HOMER1: variants seen among roughly 807,000 people sequenced by gnomAD.
HOMER1 encodes the protein homer scaffold protein 1.
HOMER1 carries 3 observed loss-of-function variants against 48.9 expected under a neutral mutation model. The ratio of observed to expected loss-of-function variants is 0.06; its 90% CI spans 0.03 to 0.16. The LOEUF (loss-of-function observed/expected upper bound fraction) is 0.16, where lower values mean the gene tolerates loss of function less well. Among genes scored for constraint, HOMER1 ranks in the 10% least tolerant of loss-of-function variants. The probability of loss-of-function intolerance (pLI) is 1.00; values close to 1 mark genes in which losing one functional copy is unlikely to be tolerated. For missense variants in HOMER1, 247 were observed against 411.4 expected (o/e 0.60, Z 3.46); for synonymous variants, 134 against 146.4 (o/e 0.92, Z 0.61).
Position 79,465,696 on chromosome 5 carries a change from C to T in HOMER1, c.6-8678G>A, listed in dbSNP as rs897825309. Among the ~76,000 whole-genome samples the T allele has an allele frequency of 2.7e-5, 4 of 148,834 alleles. No homozygotes were observed. In the South Asian group the frequency reaches 6.4e-4, roughly 24 times the overall value. ...CAAGCTCCACCTCCCAGGTTCACGC[C>T]ATTCTCCTGCCTCAGCCTCCCGAGT... On this transcript the variant is annotated intron_variant, in intron 1 of 8. Coordinates refer to ENST00000334082, the MANE Select transcript of HOMER1 (RefSeq NM_004272.5).
chr5:79,416,544 A>C (rs920458522), intron 5 of HOMER1, among the ~76,000 whole-genome samples: 2 of 152,218 alleles, frequency 1.3e-5, no homozygotes, highest in African/African-American at 4.8e-5. Flanking sequence ...GGTTCCTGTA[A>C]CTGTGCTTCT....
chr5:79,386,061 TTTTAA>T (rs1160201216), intron 8 of HOMER1, among the ~76,000 whole-genome samples: 1 of 152,084 alleles, frequency 6.6e-6, no homozygotes, highest in East Asian at 1.9e-4. Flanking sequence ...GAGATTTTTT[TTTTAA>T]AACTAAAAAT....
At chr5:79,474,498 T>TA (rs781512227) in intron 1 of HOMER1, among the ~76,000 whole-genome samples, 4 of 152,072 alleles carry the variant, frequency 2.6e-5, no homozygotes, top group Non-Finnish European at 5.9e-5. Context: ...ACAGATAAAA[T>TA]AAACTCCCAT....
chr5:79,424,837 C>A (rs1750197133), intron 5 of HOMER1, among the ~76,000 whole-genome samples: 1 of 152,046 alleles, frequency 6.6e-6, no homozygotes, highest in Non-Finnish European at 1.5e-5. Context: ...CAACAGAAAT[C>A]TTTCTCCATC....
At chr5:79,506,001 A>T (rs1236260097) in intron 1 of HOMER1, among the ~76,000 whole-genome samples, 2 of 152,184 alleles carry the variant, frequency 1.3e-5, no homozygotes, top group Non-Finnish European at 2.9e-5. Flanking sequence ...AAAAAAGATG[A>T]CCCTATAAAA....
rs924491983 is a variant in HOMER1, at chr5:79,512,930, T to C, written c.-156A>G. On this transcript the variant is annotated 5_prime_UTR_variant, in exon 1 of 9. Coordinates refer to ENST00000334082, the MANE Select transcript of HOMER1 (RefSeq NM_004272.5). ...TCAAGGATGCTGCCAATTCAATTAGTTCTCTTAGGTAAAATGATTTCTCTC... is the reference window on the plus strand; with the variant it reads ...TCAAGGATGCTGCCAATTCAATTAGCTCTCTTAGGTAAAATGATTTCTCTC... 1 of 660,190 alleles carries C rather than the reference T, an allele frequency of 1.5e-6. No homozygotes were observed. The highest frequency in any genetic ancestry group is 1.8e-5 in the African/African-American group (1 of 54,672). The allele number at this position is 660,190 out of a possible 1,614,324, so 40.9% of individuals were successfully genotyped here.
chr5:79,435,856 G>T (rs1187679046), intron 5 of HOMER1, among the ~76,000 whole-genome samples: 1 of 144,932 alleles, frequency 6.9e-6, no homozygotes, highest in Non-Finnish European at 1.5e-5. Context: ...GCCGGGCGCG[G>T]TGGCTCACGC....
At chr5:79,477,423 T>G (rs1043115613) in intron 1 of HOMER1, among the ~76,000 whole-genome samples, 2 of 152,268 alleles carry the variant, frequency 1.3e-5, no homozygotes, top group African/African-American at 2.4e-5. Context: ...TTGGCCAGCA[T>G]GGGCTGAGCT....
chr5:79,454,355 CCT>C (rs1490639340), intron 2 of HOMER1, among the ~76,000 whole-genome samples: 1 of 152,024 alleles, frequency 6.6e-6, no homozygotes, highest in Non-Finnish European at 1.5e-5. Context: ...TTTTCTGTTA[CCT>C]CTGTTAACCC....
chr5:79,445,427 C>G (rs34033533), intron 4 of HOMER1, among the ~76,000 whole-genome samples: 10 of 151,978 alleles, frequency 6.6e-5, no homozygotes, highest in Non-Finnish European at 1.3e-4. Context: ...AGTAAAACCA[C>G]TGTATTATAA....
intron 2 of HOMER1, 74 bp from the exon 3 acceptor site, chr5:79,451,195 T>C: frequency 6.7e-7 from 1 of 1,484,172 alleles, no homozygotes; most frequent in Non-Finnish European, 9.3e-7. Context: ...ACCATTCAGT[T>C]ACATAAAAGC....
chr5:79,468,091 C>T (rs747644016), intron 1 of HOMER1, among the ~76,000 whole-genome samples: 3 of 152,106 alleles, frequency 2.0e-5, no homozygotes, highest in Non-Finnish European at 4.4e-5. Context: ...CATTTAACTG[C>T]CACATAACAA....
At chr5:79,391,592 A>G (rs924764518) in intron 8 of HOMER1, among the ~76,000 whole-genome samples, 1 of 151,830 alleles carries the variant, frequency 6.6e-6, no homozygotes. Context: ...AAAAAATGCA[A>G]AAAATTAGCC....
At chr5:79,403,954 T>C (rs1017257221) in intron 5 of HOMER1, among the ~76,000 whole-genome samples, 1 of 152,176 alleles carries the variant, frequency 6.6e-6, no homozygotes, top group Non-Finnish European at 1.5e-5. Context: ...AAAGGAAAGC[T>C]CTTTTCTTAT....
chr5:79,456,928 A>G lies in HOMER1; in HGVS notation c.96T>C (p.Val32=). 6.2e-7 allele frequency: 1 copy of G among 1,613,930 alleles called. No homozygotes were observed. Residue 32 remains valine, a synonymous_variant, in exon 2 of 9, where the codon GTT becomes GTC. Transcript: ENST00000334082. The part of the protein sequence containing the change: ...KNWVPTSKHA[V]TVSYFYDSTR... ...TGCTGTCATAGAAATAAGACACAGTAACTGCATGCTTGCTGGTGGGTACCC... is the reference window on the plus strand; with the variant it reads ...TGCTGTCATAGAAATAAGACACAGTGACTGCATGCTTGCTGGTGGGTACCC...
At chr5:79,490,288 T>C (rs1237737169) in intron 1 of HOMER1, among the ~76,000 whole-genome samples, 1 of 151,954 alleles carries the variant, frequency 6.6e-6, no homozygotes, top group Admixed American at 6.6e-5. Flanking sequence ...CTTTTATTTA[T>C]TTTTTTTATT....
At chr5:79,409,626 A>T (rs1749763110) in intron 5 of HOMER1, among the ~76,000 whole-genome samples, 1 of 152,178 alleles carries the variant, frequency 6.6e-6, no homozygotes, top group Non-Finnish European at 1.5e-5. Context: ...AATATTTGCA[A>T]ATCATCTATC....
rs1213527412 is a variant in HOMER1, at chr5:79,391,755, G to A, written c.876+5068C>T. Among the ~76,000 whole-genome samples the A allele has an allele frequency of 2.7e-4, 41 of 149,576 alleles. 1 individual carries two copies. The East Asian group carries it at 8.1e-3, about 30-fold the overall frequency. The stretch of plus-strand genomic sequence containing the variant: ...GAGACTCTGTCTCAAAAAAAAAAAA[G>A]AAAAGAAAAAGAAACTTCACAAAGT... On this transcript the variant is annotated intron_variant, in intron 8 of 8. Coordinates refer to ENST00000334082, the MANE Select transcript of HOMER1 (RefSeq NM_004272.5).
At chr5:79,402,119 C>A in intron 5 of HOMER1, 64 bp from the exon 6 acceptor site, 1 of 1,353,706 alleles carries the variant, frequency 7.4e-7, no homozygotes, top group Non-Finnish European at 1.0e-6. Context: ...GAAGGGACAG[C>A]AAGACTCAGT....
Sources: gnomAD v4.1 joint callset for allele counts (sites outside exome capture counted in the v4.1 genomes callset) on GRCh38, gnomAD v4.1.1 for gene constraint, MANE v1.5 for transcripts, NCBI Gene and HGNC (gene_info 2026-07-23, HGNC 2026-07-21) for gene names.